The following SLC27A4 variants were observed in gnomAD, a reference collection of about 807,000 sequenced individuals.
The protein encoded by SLC27A4 is long-chain fatty acid transport protein 4.
Under a neutral mutation model 64.4 loss-of-function variants are expected in SLC27A4, and 33 were observed. The ratio of observed to expected loss-of-function variants is 0.51; its 90% CI spans 0.39 to 0.68. The LOEUF is 0.68. Ranked by LOEUF, SLC27A4 falls within the 30% of genes least tolerant of loss-of-function variation. SLC27A4 has a pLI of 0.00. For synonymous variants in SLC27A4, 377 were observed against 370.0 expected (o/e 1.02, Z -0.22); for missense variants, 824 against 883.5 (o/e 0.93, Z 0.85).
intron 12 of SLC27A4, among the ~76,000 whole-genome samples, chr9:128,359,643 A>G (rs1832870722): frequency 1.3e-5 from 2 of 152,054 alleles, no homozygotes; most frequent in Non-Finnish European, 2.9e-5. Flanking sequence ...AAAGAAAGAA[A>G]GAATTACAAA....
At chr9:128,356,721 C>T (rs1564403903) in intron 12 of SLC27A4, among the ~76,000 whole-genome samples, 1 of 126,804 alleles carries the variant, frequency 7.9e-6, no homozygotes, top group Non-Finnish European at 1.6e-5. Flanking sequence ...GTGGGCGGAT[C>T]ATTTGAGGTC....
chr9:128,355,069 G>A lies in SLC27A4; in HGVS notation c.1341G>A (p.Leu447=). The A allele has an allele frequency of 1.2e-6, 2 of 1,610,832 alleles. No individual in the cohort carries two copies. The highest frequency in any genetic ancestry group is 1.7e-6 in the Non-Finnish European group (2 of 1,178,744). Residue 447 remains leucine (L), a synonymous_variant, in exon 10 of 13, where the codon CTG becomes CTA. Coordinates refer to ENST00000300456, the MANE Select transcript of SLC27A4 (RefSeq NM_005094.4). ...CCACCCCAGGTGAGCCGGGCCAGCTGGTGGGCCGCATCATCCAGAAAGACC... is the reference window on the plus strand; with the variant it reads ...CCACCCCAGGTGAGCCGGGCCAGCTAGTGGGCCGCATCATCCAGAAAGACC... The part of the protein sequence containing the change: ...IPCQPGEPGQ[L]VGRIIQKDPL...
At chr9:128,348,401 C>A in intron 3 of SLC27A4, 144 bp from the exon 4 acceptor site, 1 of 969,478 alleles carries the variant, frequency 1.0e-6, no homozygotes, top group Non-Finnish European at 1.6e-6. Flanking sequence ...GTGCCCCTGT[C>A]AACACTGAAG....
rs1832779937 is a variant in SLC27A4 at position 128,353,977 on chromosome 9, T to C, written c.1324+436T>C. 1.3e-5 allele frequency among the ~76,000 whole-genome samples: 2 copies of C among 151,482 alleles called. No homozygotes were observed. Among genetic ancestry groups the C allele is most frequent in the South Asian group, 4.2e-4 (2 of 4,802 alleles). On this transcript the variant is annotated intron_variant, in intron 9 of 12. Transcript: ENST00000300456. The surrounding 1 kb of genome is among the most constrained non-coding windows in gnomAD (Gnocchi z 4.9). ...CCGGGATGGTCTCGATCTCCTGACC[T>C]CGTGATCCGCCCGCCTCGGCCTCCC...
In SLC27A4 at chr9:128,353,567, G is replaced by A. The variant is rs780003727; in HGVS notation, c.1324+26G>A. 15 of 1,612,018 alleles carry A rather than the reference G, an allele frequency of 9.3e-6. No homozygotes were observed. Among genetic ancestry groups the A allele is most frequent in the Non-Finnish European group, 1.1e-5 (13 of 1,178,706 alleles). On this transcript the variant is annotated intron_variant, in intron 9 of 12. Coordinates refer to ENST00000300456, the MANE Select transcript of SLC27A4 (RefSeq NM_005094.4). The surrounding 1 kb of genome is among the most constrained non-coding windows in gnomAD (Gnocchi z 4.9). ...GTCTGCCACTTCGGGGTCAGAGAGG[G>A]AGGGGTTGGCCTGGGAAGGAAGGAG...
chr9:128,349,344 A>G (rs556783011), intron 4 of SLC27A4, among the ~76,000 whole-genome samples: 1 of 152,082 alleles, frequency 6.6e-6, no homozygotes, highest in East Asian at 1.9e-4. Flanking sequence ...CTTTGTGTGA[A>G]CCCTGACACC....
chr9:128,355,842 C>T lies in SLC27A4; in HGVS notation c.1774+46C>T, dbSNP rs374415417. 45 of 1,608,626 alleles carry T rather than the reference C, an allele frequency of 2.8e-5. No individual in the cohort carries two copies. In the East Asian group the frequency reaches 7.1e-4, roughly 25 times the overall value. On this transcript the variant is annotated intron_variant, in intron 12 of 12. Coordinates refer to ENST00000300456, the MANE Select transcript of SLC27A4 (RefSeq NM_005094.4). ...AGCTCTCGGATCCCAGGTCCCTTCC[C>T]GTTTCCTTCTGGAGAGACCCGGTTG...
Position 128,360,402 on chromosome 9 carries a change from C to T in SLC27A4, c.1843C>T (p.Leu615=). 1 of 1,614,170 alleles carries T rather than the reference C, an allele frequency of 6.2e-7. No individual in the cohort carries two copies. The highest frequency in any genetic ancestry group is 1.1e-5 in the South Asian group (1 of 91,082). The change falls in exon 13 of 13, where the codon CTG becomes TTG. Residue 615 remains leucine, a synonymous_variant. Coordinates refer to ENST00000300456, the MANE Select transcript of SLC27A4 (RefSeq NM_005094.4). ...TGACCCGGCTATTGTGAAAGACCCG[C>T]TGTTCTATCTAGATGCCCAGAAGGG... ...GFDPAIVKDP[L]FYLDAQKGRY...
intron 12 of SLC27A4, 129 bp downstream of exon 12, chr9:128,355,925 G>A: frequency 8.2e-7 from 1 of 1,218,654 alleles, no homozygotes; most frequent in Non-Finnish European, 1.2e-6. Context: ...TGACCTGCCT[G>A]TGTAGAGGTG....
chr9:128,345,193 G>A lies in SLC27A4; in HGVS notation c.200G>A (p.Arg67Gln), dbSNP rs746695039. The change falls in exon 3 of 13, where the codon CGA becomes CAA. Residue 67 changes from arginine to glutamine, a missense_variant. Arg to Gln is a conservative substitution (Grantham distance 43, BLOSUM62 1). Coordinates refer to ENST00000300456, the MANE Select transcript of SLC27A4 (RefSeq NM_005094.4). This position sits in a 1 kb window ranked among gnomAD's most constrained non-coding sequence, Gnocchi z 4.1. Reference sequence around the variant, plus strand: ...CTCCTGAAGGTGAAGGCAAAGGTGCGACAGTGCCTGCAGGAGCGGCGGACA... The same window carrying A: ...CTCCTGAAGGTGAAGGCAAAGGTGCAACAGTGCCTGCAGGAGCGGCGGACA... The part of the protein sequence containing the change: ...LVLLKVKAKV[R>Q]QCLQERRTVP... 9.9e-6 allele frequency: 16 copies of A among 1,613,492 alleles called. No homozygotes were observed. The highest frequency in any genetic ancestry group is 2.2e-5 in the East Asian group (1 of 44,876).
At chr9:128,351,734 T>A (rs932581996) in intron 6 of SLC27A4, among the ~76,000 whole-genome samples, 12 of 152,060 alleles carry the variant, frequency 7.9e-5, no homozygotes, top group East Asian at 7.7e-4. Flanking sequence ...ATAAATAAAT[T>A]AATTTAATTT....
intron 1 of SLC27A4, chr9:128,342,492 C>G: frequency 5.6e-6 from 7 of 1,253,546 alleles, no homozygotes; most frequent in Non-Finnish European, 8.0e-6. Flanking sequence ...CTATGCTGCC[C>G]CTTTCACATC....
intron 12 of SLC27A4, among the ~76,000 whole-genome samples, chr9:128,357,846 G>A (rs760695397): frequency 6.6e-6 from 1 of 152,206 alleles, no homozygotes; most frequent in Non-Finnish European, 1.5e-5. Context: ...CCTAGCCAAT[G>A]TGGCTTCTGC....
At chr9:128,351,094 G>GAA (rs879510798) in intron 6 of SLC27A4, among the ~76,000 whole-genome samples, 1 of 138,078 alleles carries the variant, frequency 7.2e-6, no homozygotes, top group Non-Finnish European at 1.6e-5. Flanking sequence ...CTCTGTCTCG[G>GAA]AAAAAAAAAA....
intron 6 of SLC27A4, 37 bp downstream of exon 6, chr9:128,350,612 C>G (rs1324582985): frequency 6.6e-7 from 1 of 1,517,462 alleles, no homozygotes; most frequent in East Asian, 2.3e-5. Context: ...CCAGCACCTG[C>G]CAGGTCTCTA....
rs771758594 is a variant in SLC27A4 at position 128,350,337 on chromosome 9, C to T, written c.741C>T (p.Ser247=). Residue 247 remains serine (S), a synonymous_variant, in exon 5 of 13, where the codon TCC becomes TCT. Transcript: ENST00000300456. ...ATAAACTGTTCTACATCTACACATCCGGCACCACAGGGCTGCCCAAGGCCG... is the reference window on the plus strand; with the variant it reads ...ATAAACTGTTCTACATCTACACATCTGGCACCACAGGGCTGCCCAAGGCCG... ...FTDKLFYIYT[S]GTTGLPKAAI... 9.9e-6 allele frequency: 16 copies of T among 1,613,108 alleles called. No homozygotes were observed. The highest frequency in any genetic ancestry group is 8.9e-5 in the East Asian group (4 of 44,898).
intron 12 of SLC27A4, among the ~76,000 whole-genome samples, chr9:128,356,836 A>G (rs910247153): frequency 2.0e-5 from 3 of 148,776 alleles, no homozygotes; most frequent in Non-Finnish European, 3.0e-5. Context: ...TCACACCTGT[A>G]ATCTCAGCAC....
Position 128,340,771 on chromosome 9 carries a change from C to T in SLC27A4, c.-74C>T. ...GCGTCCAGGGGCGGCTAATGCCCCT[C>T]ACGCTGTCTACGCTGCTGCAACCGG... On this transcript the variant is annotated 5_prime_UTR_variant, in exon 1 of 13. Transcript: ENST00000300456. 1.5e-6 allele frequency: 1 copy of T among 681,382 alleles called. No homozygotes were observed. The highest frequency in any genetic ancestry group is 2.7e-6 in the Non-Finnish European group (1 of 369,326). The allele number at this position is 681,382 out of a possible 1,614,324, so 42.2% of individuals were successfully genotyped here.
chr9:128,352,888 T>C, intron 7 of SLC27A4, 137 bp from the exon 8 acceptor site: 1 of 1,066,838 alleles, frequency 9.4e-7, no homozygotes, highest in Non-Finnish European at 1.4e-6. Flanking sequence ...ATTGTTCAGA[T>C]GGGAAGGCTG....
Sources: allele counts gnomAD v4.1 joint callset (sites outside exome capture counted in the v4.1 genomes callset), GRCh38; gene constraint gnomAD v4.1.1; non-coding constraint Gnocchi (gnomAD v3.1); transcripts MANE v1.5; gene names NCBI Gene and HGNC (gene_info 2026-07-23, HGNC 2026-07-21).